VRK2: variants seen among roughly 807,000 people sequenced by gnomAD.
The protein encoded by VRK2 is serine/threonine-protein kinase VRK2.
VRK2 carries 60 observed loss-of-function variants against 57.6 expected under a neutral mutation model. The observed-to-expected ratio is 1.04, with a 90% CI of 0.85 to 1.29. The LOEUF (loss-of-function observed/expected upper bound fraction) is 1.29. Ranked by LOEUF, VRK2 falls within the 50% of genes most tolerant of loss-of-function variation. The probability of loss-of-function intolerance (pLI) is 0.00; values close to 1 mark genes in which losing one functional copy is unlikely to be tolerated. For missense variants in VRK2, 705 were observed against 588.1 expected (o/e 1.20, Z -2.06); for synonymous variants, 231 against 199.2 (o/e 1.16, Z -1.35).
At chr2:58,027,001 G>C (rs1020718987) in intron 2 of VRK2, 22 of 151,864 alleles carry the variant, frequency 1.4e-4, no homozygotes, top group African/African-American at 5.1e-4. Context: ...TTACAGGCTT[G>C]AGCCACCATG....
rs1056212237 is a variant in VRK2, at chr2:58,123,138, G to T, written c.581G>T (p.Cys194Phe). 3 of 1,599,434 alleles carry T rather than the reference G, an allele frequency of 1.9e-6. No individual in the cohort carries two copies. Among genetic ancestry groups the T allele is most frequent in the Non-Finnish European group, 2.6e-6 (3 of 1,175,914 alleles). Reference protein sequence around the residue: ...LADYGLSYRYCPNGNHKQYQE... With the variant: ...LADYGLSYRYFPNGNHKQYQE... ...GATTATGGACTTTCCTACAGATATT[G>T]TCCCAATGGGAACCACAAACAGTAT... Residue 194 changes from cysteine to phenylalanine, a missense_variant, in exon 8 of 13, where the codon TGT becomes TTT. By Grantham distance (205) the Cys-to-Phe change is radical. Transcript: ENST00000340157.
At chr2:57,909,862 T>TGAACC (rs1302353090) in intron 1 of VRK2, among the ~76,000 whole-genome samples, 1 of 152,186 alleles carries the variant, frequency 6.6e-6, no homozygotes, top group African/African-American at 2.4e-5. Flanking sequence ...CAGTTTCATT[T>TGAACC]GAACCTCTAT....
At chr2:58,028,917 T>A (rs867997788) in intron 2 of VRK2, among the ~76,000 whole-genome samples, 5 of 123,592 alleles carry the variant, frequency 4.0e-5, no homozygotes, top group South Asian at 2.5e-4. Context: ...TATATATATA[T>A]ATATATATAT....
At chr2:58,079,512 A>G (rs1249134514) in intron 2 of VRK2, among the ~76,000 whole-genome samples, 1 of 151,874 alleles carries the variant, frequency 6.6e-6, no homozygotes, top group Non-Finnish European at 1.5e-5. Context: ...ATTTATATTT[A>G]TTAATTTATT....
intron 7 of VRK2, among the ~76,000 whole-genome samples, chr2:58,116,116 G>A (rs1325568856): frequency 6.6e-6 from 1 of 152,188 alleles, no homozygotes; most frequent in Non-Finnish European, 1.5e-5. Flanking sequence ...TGTAGCAGGC[G>A]AGTGATAACA....
chr2:57,992,169 G>A (rs1672788779), intron 1 of VRK2, among the ~76,000 whole-genome samples: 1 of 152,102 alleles, frequency 6.6e-6, no homozygotes, highest in South Asian at 2.1e-4. Flanking sequence ...ATAATTAGTA[G>A]TTAAGTAAAA....
chr2:58,013,293 A>T (rs1289182784), intron 1 of VRK2, among the ~76,000 whole-genome samples: 3 of 152,204 alleles, frequency 2.0e-5, no homozygotes, highest in Admixed American at 1.3e-4. Context: ...TGTAACTTCC[A>T]TTCAAATTTA....
chr2:58,006,990 AT>A (rs1673267817), intron 1 of VRK2, among the ~76,000 whole-genome samples: 1 of 152,040 alleles, frequency 6.6e-6, no homozygotes, highest in East Asian at 1.9e-4. Context: ...ACCCCAGTAC[AT>A]TGTCGAAAAT....
chr2:58,126,178 C>A (rs905205843), intron 8 of VRK2, among the ~76,000 whole-genome samples: 2 of 151,548 alleles, frequency 1.3e-5, no homozygotes, highest in Non-Finnish European at 2.9e-5. Context: ...TATAGAACTT[C>A]TAGGTGCCAG....
chr2:58,038,339 C>T (rs1218092857), intron 3 of VRK2, among the ~76,000 whole-genome samples: 4 of 152,126 alleles, frequency 2.6e-5, no homozygotes, highest in Admixed American at 2.6e-4. Flanking sequence ...CCATGCTAAA[C>T]TGTAAGTCAA....
chr2:58,159,199 C>A, intron 12 of VRK2, 150 bp from the exon 13 acceptor site: 1 of 580,574 alleles, frequency 1.7e-6, no homozygotes, highest in Non-Finnish European at 3.0e-6. Context: ...TCTTTAAGAT[C>A]TTTACCTAAA....
intron 12 of VRK2, chr2:58,154,832 TA>T: frequency 1.4e-6 from 1 of 712,060 alleles, no homozygotes; most frequent in Non-Finnish European, 2.6e-6. Flanking sequence ...AGTGTCCTGC[TA>T]AACCCTGTTT....
intron 2 of VRK2, among the ~76,000 whole-genome samples, chr2:58,063,347 C>A (rs893954034): frequency 6.7e-6 from 1 of 150,366 alleles, no homozygotes; most frequent in African/African-American, 2.4e-5. Context: ...AAACATACAG[C>A]GAGCTAAAAG....
At chr2:58,002,644 T>C (rs1383833103) in intron 1 of VRK2, among the ~76,000 whole-genome samples, 2 of 152,048 alleles carry the variant, frequency 1.3e-5, no homozygotes, top group Non-Finnish European at 2.9e-5. Flanking sequence ...CTGAGCTGAA[T>C]TTGCATAGGT....
At chr2:58,076,950 A>G (rs1246887994) in intron 2 of VRK2, among the ~76,000 whole-genome samples, 2 of 152,072 alleles carry the variant, frequency 1.3e-5, no homozygotes, top group African/African-American at 2.4e-5. Flanking sequence ...AAAATAGCAC[A>G]TAGTACATTA....
At chr2:58,024,431 A>G (rs924877628) in intron 1 of VRK2, among the ~76,000 whole-genome samples, 4 of 152,200 alleles carry the variant, frequency 2.6e-5, no homozygotes, top group African/African-American at 9.6e-5. Context: ...TAAAATAATT[A>G]AACTACTTAA....
chr2:57,969,945 G>T (rs2104018173), intron 1 of VRK2, among the ~76,000 whole-genome samples: 1 of 151,748 alleles, frequency 6.6e-6, no homozygotes, highest in East Asian at 1.9e-4. Context: ...GTATGGACGT[G>T]TTTCAGTTTC....
chr2:58,041,771 T>C (rs559072460), upstream of VRK2, among the ~76,000 whole-genome samples: 2 of 152,332 alleles, frequency 1.3e-5, no homozygotes, highest in South Asian at 4.1e-4. Context: ...TGAAGCCTGC[T>C]ACCTGGAGGC....
At chr2:58,016,868 A>AC (rs1673599773) in intron 1 of VRK2, among the ~76,000 whole-genome samples, 1 of 152,192 alleles carries the variant, frequency 6.6e-6, no homozygotes, top group East Asian at 1.9e-4. Context: ...TAGTTTTCAT[A>AC]CCTGAAACTA....
Sources: allele counts gnomAD v4.1 joint callset (sites outside exome capture counted in the v4.1 genomes callset), GRCh38; gene constraint gnomAD v4.1.1; transcripts MANE v1.5; gene names NCBI Gene and HGNC (gene_info 2026-07-23, HGNC 2026-07-21).